The following PRKN variants were observed in gnomAD, a reference collection of about 807,000 sequenced individuals.
PRKN encodes E3 ubiquitin-protein ligase parkin.
A neutral mutation model predicts 59.5 loss-of-function variants in PRKN; 56 were observed. The observed-to-expected ratio is 0.94, with a 90% CI of 0.76 to 1.18. PRKN has a LOEUF of 1.18. Among genes scored for constraint, PRKN ranks in the 50% most tolerant of loss-of-function variants. PRKN has a pLI of 0.00. For synonymous variants in PRKN, 250 were observed against 222.1 expected, an observed-to-expected ratio of 1.13 and a Z score of -1.12; for missense variants, 657 against 596.4, an observed-to-expected ratio of 1.10 and a Z score of -1.06.
chr6:162,628,134 A>G (rs988568942), intron 1 of PRKN, among the ~76,000 whole-genome samples: 1 of 152,140 alleles, frequency 6.6e-6, no homozygotes, highest in Non-Finnish European at 1.5e-5. Context: ...CCAGACTGTC[A>G]TGAAATCAGG....
intron 7 of PRKN, among the ~76,000 whole-genome samples, chr6:161,714,139 A>G (rs1786870176): frequency 1.3e-5 from 2 of 152,166 alleles, no homozygotes; most frequent in South Asian, 4.1e-4. Context: ...TGAGCAAAAT[A>G]CACTGTAATT....
chr6:161,863,633 C>T (rs1793996121), intron 6 of PRKN, among the ~76,000 whole-genome samples: 1 of 152,152 alleles, frequency 6.6e-6, no homozygotes, highest in African/African-American at 2.4e-5. Flanking sequence ...GCACCATACA[C>T]CTGGGCAAGG....
chr6:162,587,038 C>T (rs982926620), intron 1 of PRKN, among the ~76,000 whole-genome samples: 1 of 152,112 alleles, frequency 6.6e-6, no homozygotes, highest in Non-Finnish European at 1.5e-5. Context: ...AAGGCTGTGA[C>T]TTATTCACCT....
chr6:161,697,612 C>T (rs967881721), intron 7 of PRKN, among the ~76,000 whole-genome samples: 2 of 152,128 alleles, frequency 1.3e-5, no homozygotes, highest in Non-Finnish European at 2.9e-5. Flanking sequence ...TCTTTCTCTC[C>T]CCAGGACTGA....
At position 161,399,819 on chromosome 6, in the gene PRKN, C is replaced by G. The variant is rs1412003464; in HGVS notation, c.1084-12942G>C. The stretch of plus-strand genomic sequence containing the variant: ...TGAAAGGATACAGCCTAGAACAGTG[C>G]TGTCCAATTGAAACAGCAATAATTT... On this transcript the variant is annotated intron_variant, in intron 9 of 11. Transcript: ENST00000366898. The surrounding 1 kb of genome is among the most constrained non-coding windows in gnomAD (Gnocchi z 4.4). Among the ~76,000 whole-genome samples, 1 of 151,896 alleles carries G rather than the reference C, an allele frequency of 6.6e-6. No homozygotes were observed. The highest frequency in any genetic ancestry group is 2.4e-5 in the African/African-American group (1 of 41,322).
chr6:161,487,810 C>T lies in PRKN; in HGVS notation c.1083+61044G>A, dbSNP rs1473508277. 2.0e-5 allele frequency among the ~76,000 whole-genome samples: 3 copies of T among 152,256 alleles called. No individual in the cohort carries two copies. Among genetic ancestry groups the T allele is most frequent in the East Asian group, 1.9e-4 (1 of 5,156 alleles). On this transcript the variant is annotated intron_variant, in intron 9 of 11. Transcript: ENST00000366898. This position sits in a 1 kb window ranked among gnomAD's most constrained non-coding sequence, Gnocchi z 5.3. ...CATGAAGTCTGGCACTAGGAATTTC[C>T]CATTAATGTTCAGTGAATGAATGAA...
At chr6:161,489,863 C>T (rs1245468955) in intron 9 of PRKN, among the ~76,000 whole-genome samples, 1 of 152,188 alleles carries the variant, frequency 6.6e-6, no homozygotes, top group Non-Finnish European at 1.5e-5. Flanking sequence ...AGGAACTCCC[C>T]AGTTCTTGGC....
chr6:162,595,071 G>A (rs9347671), intron 1 of PRKN, among the ~76,000 whole-genome samples: 8,440 of 151,854 alleles, frequency 0.056, 339 homozygotes, highest in East Asian at 0.23. Context: ...CTACTTGGGA[G>A]GCTGAGGCAG....
At chr6:162,587,494 C>T (rs1490674349) in intron 1 of PRKN, among the ~76,000 whole-genome samples, 1 of 152,138 alleles carries the variant, frequency 6.6e-6, no homozygotes, top group Non-Finnish European at 1.5e-5. Flanking sequence ...AGACTAGTCT[C>T]ACTTCTTGAC....
At chr6:161,798,556 A>G (rs1790948480) in intron 6 of PRKN, among the ~76,000 whole-genome samples, 1 of 152,182 alleles carries the variant, frequency 6.6e-6, no homozygotes, top group African/African-American at 2.4e-5. Context: ...GAAAGCACAT[A>G]CAAAGCCTAT....
chr6:161,415,311 A>C (rs1787789128), intron 9 of PRKN, among the ~76,000 whole-genome samples: 1 of 151,830 alleles, frequency 6.6e-6, no homozygotes, highest in Admixed American at 6.6e-5. Flanking sequence ...GATTACGAAC[A>C]TTTTCAAGAT....
chr6:161,818,866 G>A (rs530187721), intron 6 of PRKN, among the ~76,000 whole-genome samples: 22 of 152,234 alleles, frequency 1.4e-4, no homozygotes, highest in Non-Finnish European at 2.9e-4. Context: ...AGATAGGGAA[G>A]GTCAAGCCCT....
chr6:162,089,134 A>G (rs9456742), intron 4 of PRKN, among the ~76,000 whole-genome samples: 68,171 of 151,976 alleles, frequency 0.45, 15,453 homozygotes, highest in Admixed American at 0.49. Context: ...AAGGAAATAA[A>G]TGCAAATCAC....
intron 1 of PRKN, among the ~76,000 whole-genome samples, chr6:162,634,758 G>C (rs1485468716): frequency 1.3e-5 from 2 of 152,034 alleles, no homozygotes; most frequent in Non-Finnish European, 2.9e-5. Context: ...CAAGTAGCTG[G>C]GACTAAAGGC....
In PRKN at chr6:161,405,731, G is replaced by A. The variant is rs1253954700; in HGVS notation, c.1084-18854C>T. 6.6e-6 allele frequency among the ~76,000 whole-genome samples: 1 copy of A among 152,098 alleles called. No homozygotes were observed. Among genetic ancestry groups the A allele is most frequent in the African/African-American group, 2.4e-5 (1 of 41,398 alleles). ...AACTGAGGGTCCATGAGTGCTCACA[G>A]CCAGGCAGGCTCGTGTTCCAAGTCT... is the stretch of plus-strand genomic sequence containing the variant. On this transcript the variant is annotated intron_variant, in intron 9 of 11. Coordinates refer to ENST00000366898, the MANE Select transcript of PRKN (RefSeq NM_004562.3). This position sits in a 1 kb window ranked among gnomAD's most constrained non-coding sequence, Gnocchi z 5.1.
intron 6 of PRKN, among the ~76,000 whole-genome samples, chr6:161,861,592 A>T (rs959222559): frequency 4.4e-5 from 6 of 136,478 alleles, no homozygotes; most frequent in Non-Finnish European, 9.2e-5. Flanking sequence ...TAAAAGTAAA[A>T]TTTTTTTAAA....
chr6:162,647,976 A>AAAAAAG (rs1423333479), intron 1 of PRKN, among the ~76,000 whole-genome samples: 17 of 146,294 alleles, frequency 1.2e-4, no homozygotes, highest in Admixed American at 1.4e-4. Flanking sequence ...AAAAAAAAAA[A>AAAAAAG]AGTCTACGGG....
At chr6:161,506,317 GCT>G (rs1356681186) in intron 9 of PRKN, among the ~76,000 whole-genome samples, 1 of 151,952 alleles carries the variant, frequency 6.6e-6, no homozygotes, top group Non-Finnish European at 1.5e-5. Flanking sequence ...TCATGATTTG[GCT>G]CTCTGTTTGT....
Position 162,096,936 on chromosome 6 carries a change from G to A in PRKN, c.535-42762C>T, listed in dbSNP as rs976970371. On this transcript the variant is annotated intron_variant, in intron 4 of 11. Coordinates refer to ENST00000366898, the MANE Select transcript of PRKN (RefSeq NM_004562.3). ...GGCTGGAGTGCACTGGCAGGATCTT[G>A]GCTCAGTGCAACCTCTGCCTCCCGG... 5.5e-4 allele frequency among the ~76,000 whole-genome samples: 77 copies of A among 139,222 alleles called. 1 individual carries two copies. The highest frequency in any genetic ancestry group is 2.1e-3 in the African/African-American group (75 of 35,982). The allele number at this position is 139,222 out of a possible 152,430, so 91.3% of individuals were successfully genotyped here. A position where few individuals can be genotyped will look rare whatever the true frequency, so the allele number is the denominator to read the frequency against.
Sources: allele counts gnomAD v4.1 joint callset (sites outside exome capture counted in the v4.1 genomes callset), GRCh38; gene constraint gnomAD v4.1.1; non-coding constraint Gnocchi (gnomAD v3.1); transcripts MANE v1.5; gene names NCBI Gene and HGNC (gene_info 2026-07-23, HGNC 2026-07-21).